Variants in EFCAB6 observed in about 807,000 individuals in gnomAD.
EFCAB6 encodes EF-hand calcium-binding domain-containing protein 6.
In EFCAB6, 156 loss-of-function variants were observed where a neutral mutation model predicts 169.8. The observed-to-expected ratio is 0.92, with a 90% CI of 0.81 to 1.05. The LOEUF is 1.05. Among genes scored for constraint, EFCAB6 ranks in the 50% least tolerant of loss-of-function variants. EFCAB6 has a pLI of 0.00. For synonymous variants in EFCAB6, 698 were observed against 676.4 expected (o/e 1.03, Z -0.50); for missense variants, 1,800 against 1,829.1 (o/e 0.98, Z 0.29).
chr22:43,766,868 A>AT (rs939278984), intron 4 of EFCAB6, among the ~76,000 whole-genome samples: 5 of 150,760 alleles, frequency 3.3e-5, no homozygotes, highest in South Asian at 2.1e-4. Flanking sequence ...TATTTATTTA[A>AT]TTTTTTTTTG....
At chr22:43,701,726 A>T (rs1187076471) in intron 10 of EFCAB6, among the ~76,000 whole-genome samples, 1 of 148,882 alleles carries the variant, frequency 6.7e-6, no homozygotes, top group Non-Finnish European at 1.5e-5. Flanking sequence ...GTTTTAAACA[A>T]TAAAAAAAAA....
chr22:43,737,771 TCA>T (rs1198206080), intron 6 of EFCAB6, among the ~76,000 whole-genome samples: 6 of 125,440 alleles, frequency 4.8e-5, no homozygotes, highest in Non-Finnish European at 6.9e-5. Context: ...ACACCATCAC[TCA>T]CACACATATT....
intron 13 of EFCAB6, among the ~76,000 whole-genome samples, chr22:43,674,676 T>C (rs1012687100): frequency 6.6e-6 from 1 of 152,230 alleles, no homozygotes; most frequent in Non-Finnish European, 1.5e-5. Context: ...CTTACGTGTC[T>C]ACGTTTTGTT....
chr22:43,706,182 C>T (rs1023271485), intron 10 of EFCAB6, among the ~76,000 whole-genome samples: 7 of 152,188 alleles, frequency 4.6e-5, no homozygotes, highest in African/African-American at 7.2e-5. Flanking sequence ...ACTGCCAACT[C>T]GGCTCCAGGA....
chr22:43,784,511 ATGTGTGTG>A lies in EFCAB6; in HGVS notation c.-7-2194_-7-2187del, dbSNP rs370724337. On this transcript the variant is annotated intron_variant, in intron 2 of 31. Transcript: ENST00000262726. ...ACCAAAAAAAAAAAAAAATATATAT[ATGTGTGTG>A]TGTGTGTGTGTGTGTGTGTGTGTGT... 1.1e-3 allele frequency among the ~76,000 whole-genome samples: 104 copies of A among 91,384 alleles called. 2 individuals carry two copies. Among genetic ancestry groups the A allele is most frequent in the African/African-American group, 3.9e-3 (93 of 23,682 alleles). 60.0% of individuals were successfully genotyped at this position (91,384 alleles called of 152,430 possible).
At chr22:43,645,858 A>AACAAAAAC (rs35326903) in intron 17 of EFCAB6, among the ~76,000 whole-genome samples, 1 of 151,828 alleles carries the variant, frequency 6.6e-6, no homozygotes, top group South Asian at 2.1e-4. Flanking sequence ...AAACTAAAAA[A>AACAAAAAC]AAAAACAAAA....
At chr22:43,573,377 C>T (rs2050018699) in intron 26 of EFCAB6, among the ~76,000 whole-genome samples, 1 of 152,100 alleles carries the variant, frequency 6.6e-6, no homozygotes. Context: ...GTTCAGAACA[C>T]AACCCCCAAA....
intron 20 of EFCAB6, among the ~76,000 whole-genome samples, chr22:43,621,176 C>T (rs1027548792): frequency 6.6e-6 from 1 of 151,524 alleles, no homozygotes; most frequent in Admixed American, 6.6e-5. Context: ...GCAACATCCA[C>T]CTCCCAGGTT....
At chr22:43,543,842 A>T (rs1418529564) in intron 27 of EFCAB6, among the ~76,000 whole-genome samples, 1 of 152,104 alleles carries the variant, frequency 6.6e-6, no homozygotes, top group African/African-American at 2.4e-5. Context: ...AGGAATGCTG[A>T]GAAGACCCTC....
chr22:43,611,217 C>T (rs1160857217), intron 21 of EFCAB6, among the ~76,000 whole-genome samples: 1 of 152,124 alleles, frequency 6.6e-6, no homozygotes, highest in Non-Finnish European at 1.5e-5. Flanking sequence ...CTCAAACTGA[C>T]AGCAAAATTA....
intron 27 of EFCAB6, among the ~76,000 whole-genome samples, chr22:43,545,163 A>G (rs555024953): frequency 1.3e-5 from 2 of 151,702 alleles, no homozygotes; most frequent in South Asian, 2.1e-4. Context: ...AAAAAAAGCT[A>G]TTCAGATCAT....
In EFCAB6 at chr22:43,672,141, T is replaced by A. The variant is rs777259837; in HGVS notation, c.1480-8A>T. ...ATGAACAATTTCTTCCACCTAACATTAAAAAACAAACATATTTCCTAAGCC... is the reference window on the plus strand; with the variant it reads ...ATGAACAATTTCTTCCACCTAACATAAAAAAACAAACATATTTCCTAAGCC... On this transcript the variant is annotated splice_polypyrimidine_tract_variant and splice_region_variant and intron_variant, in intron 14 of 31. Coordinates refer to ENST00000262726, the MANE Select transcript of EFCAB6 (RefSeq NM_022785.4). 1.9e-6 allele frequency: 3 copies of A among 1,612,804 alleles called. No individual in the cohort carries two copies. The Admixed American group carries it at 5.0e-5, about 27-fold the overall frequency.
chr22:43,576,488 C>T lies in EFCAB6; in HGVS notation c.3229G>A (p.Ala1077Thr). The T allele has an allele frequency of 1.3e-6, 2 of 1,517,660 alleles. No homozygotes were observed. Among genetic ancestry groups the T allele is most frequent in the South Asian group, 1.3e-5 (1 of 75,880 alleles). 94.0% of individuals were successfully genotyped at this position (1,517,660 alleles called of 1,614,324 possible). Residue 1077 changes from alanine (A) to threonine (T), a missense_variant and splice_region_variant, in exon 26 of 32, where the codon GCA becomes ACA. Transcript: ENST00000262726. ...VESSQLALST[A>T]FSALDKEDTG... ...TCCTCTTTATCCAATGCAGAAAATGCCTAAAAAGAAAGAAAAGAAAAAAAG... is the reference window on the plus strand; with the variant it reads ...TCCTCTTTATCCAATGCAGAAAATGTCTAAAAAGAAAGAAAAGAAAAAAAG...
intron 23 of EFCAB6, among the ~76,000 whole-genome samples, chr22:43,594,275 CAAAAAAAAAAAAA>C (rs750560174): frequency 3.7e-4 from 30 of 81,496 alleles, no homozygotes; most frequent in Non-Finnish European, 5.3e-4. Flanking sequence ...AACTCTGTTT[CAAAAAAAAAAAAA>C]AAAAAAAAAA....
At chr22:43,748,773 A>C (rs1027533350) in intron 6 of EFCAB6, among the ~76,000 whole-genome samples, 2 of 152,212 alleles carry the variant, frequency 1.3e-5, no homozygotes, top group African/African-American at 4.8e-5. Context: ...CGTGTTACGG[A>C]AAATGTACAG....
chr22:43,710,762 C>T (rs1157263037), intron 10 of EFCAB6, among the ~76,000 whole-genome samples: 1 of 151,968 alleles, frequency 6.6e-6, no homozygotes, highest in African/African-American at 2.4e-5. Context: ...TGTTTGCCAC[C>T]ACCTATGAAG....
In EFCAB6 at chr22:43,563,454, A is replaced by C. The variant is rs530663030; in HGVS notation, c.3421-8358T>G. On this transcript the variant is annotated intron_variant, in intron 26 of 31. Coordinates refer to ENST00000262726, the MANE Select transcript of EFCAB6 (RefSeq NM_022785.4). Reference sequence around the variant, plus strand: ...AAGGCATGCACCTGTGGTCTTAGCTACTTGGGAGGCTGAGGTGGGAGGATC... The same window carrying C: ...AAGGCATGCACCTGTGGTCTTAGCTCCTTGGGAGGCTGAGGTGGGAGGATC... 1.8e-4 allele frequency among the ~76,000 whole-genome samples: 28 copies of C among 152,282 alleles called. 1 individual carries two copies. Among genetic ancestry groups the C allele is most frequent in the African/African-American group, 6.5e-4 (27 of 41,578 alleles).
At chr22:43,682,462 T>C (rs1351147531) in intron 12 of EFCAB6, among the ~76,000 whole-genome samples, 10 of 152,236 alleles carry the variant, frequency 6.6e-5, no homozygotes, top group African/African-American at 2.4e-4. Context: ...AAGGTTTCCC[T>C]ATTTTTAATT....
At chr22:43,668,794 T>G in intron 16 of EFCAB6, 78 bp downstream of exon 16, 1 of 1,278,806 alleles carries the variant, frequency 7.8e-7, no homozygotes. Flanking sequence ...AATACTCAGT[T>G]GACAAATAGT....
Sources: allele counts gnomAD v4.1 joint callset (sites outside exome capture counted in the v4.1 genomes callset), GRCh38; gene constraint gnomAD v4.1.1; transcripts MANE v1.5; gene names NCBI Gene and HGNC (gene_info 2026-07-23, HGNC 2026-07-21).